The following SLC12A7 variants were observed in gnomAD, a reference collection of about 807,000 sequenced individuals.
SLC12A7 encodes the protein K-Cl cotransporter 4.
Under a neutral mutation model 120.6 loss-of-function variants are expected in SLC12A7, and 100 were observed. The ratio of observed to expected loss-of-function variants is 0.83; its 90% confidence interval spans 0.71 to 0.98. The LOEUF (loss-of-function observed/expected upper bound fraction) is 0.98. Ranked by LOEUF, SLC12A7 falls within the 50% of genes least tolerant of loss-of-function variation. SLC12A7 has a pLI of 0.00. For missense variants in SLC12A7, 1,373 were observed against 1,548.1 expected (o/e 0.89, Z 1.90); for synonymous variants, 760 against 678.0 (o/e 1.12, Z -1.88).
At chr5:1,140,608 C>T in the SLC12A7 span, among the ~76,000 whole-genome samples, 3 of 152,204 alleles carry the variant, frequency 2.0e-5, no homozygotes, top group Non-Finnish European at 4.4e-5. Context: ...CCCAGCAATC[C>T]CGGAGTTCCC....
At chr5:1,154,037 C>A in the SLC12A7 span, among the ~76,000 whole-genome samples, 2 of 152,202 alleles carry the variant, frequency 1.3e-5, no homozygotes, top group East Asian at 3.9e-4. Context: ...CATCTCCACA[C>A]GCATGTGTTC....
At chr5:1,122,260 G>A in the SLC12A7 span, among the ~76,000 whole-genome samples, 5,661 of 152,166 alleles carry the variant, frequency 0.037, 292 homozygotes, top group East Asian at 0.17. Context: ...CAGAACCCCC[G>A]GCAGGGCTGT....
chr5:1,113,652 T>A (rs1449399310), upstream of SLC12A7, among the ~76,000 whole-genome samples: 1 of 152,148 alleles, frequency 6.6e-6, no homozygotes, highest in African/African-American at 2.4e-5. Context: ...GCTGCCTCCC[T>A]GGGTCAGTGG....
chr5:1,081,376 A>G (rs887727567), intron 9 of SLC12A7, among the ~76,000 whole-genome samples: 25 of 152,042 alleles, frequency 1.6e-4, no homozygotes, highest in African/African-American at 6.0e-4. Context: ...TACAGATATT[A>G]GCCGGGCGTG....
the SLC12A7 span, among the ~76,000 whole-genome samples, chr5:1,152,590 T>A: frequency 0.44 from 63,008 of 142,672 alleles, 14,853 homozygotes; most frequent in African/African-American, 0.54. Context: ...GAGAAGGGAG[T>A]CCCCCAAGCT....
the SLC12A7 span, among the ~76,000 whole-genome samples, chr5:1,141,652 T>A: frequency 1.3e-5 from 2 of 152,236 alleles, no homozygotes; most frequent in East Asian, 1.9e-4. Context: ...TAAGTTAAAA[T>A]TTTTTTTAAA....
chr5:1,135,899 TC>T, the SLC12A7 span, among the ~76,000 whole-genome samples: 1 of 152,064 alleles, frequency 6.6e-6, no homozygotes, highest in Non-Finnish European at 1.5e-5. Context: ...CAAAACGCAC[TC>T]CCCGTTTCCC....
At chr5:1,134,405 G>A in the SLC12A7 span, among the ~76,000 whole-genome samples, 5 of 152,054 alleles carry the variant, frequency 3.3e-5, no homozygotes, top group African/African-American at 1.2e-4. Flanking sequence ...GGGAGGCAGA[G>A]GTTATAGTGA....
intron 22 of SLC12A7, among the ~76,000 whole-genome samples, chr5:1,055,514 C>T (rs1317700295): frequency 3.3e-5 from 5 of 152,210 alleles, no homozygotes; most frequent in Non-Finnish European, 5.9e-5. Context: ...AGCCCAACCC[C>T]GAGAAACTGC....
At chr5:1,112,871 T>A (rs1280929758), upstream of SLC12A7, among the ~76,000 whole-genome samples, 2 of 111,998 alleles carry the variant, frequency 1.8e-5, no homozygotes, top group African/African-American at 4.1e-5. Flanking sequence ...GTAGAGGGAG[T>A]CCCCCCCCCC....
chr5:1,097,378 C>T (rs1488653168), intron 1 of SLC12A7, among the ~76,000 whole-genome samples: 1 of 152,204 alleles, frequency 6.6e-6, no homozygotes, highest in African/African-American at 2.4e-5. Flanking sequence ...CAACGCCTAT[C>T]AGGCCCCAAG....
chr5:1,118,293 T>G, the SLC12A7 span, among the ~76,000 whole-genome samples: 1 of 152,192 alleles, frequency 6.6e-6, no homozygotes, highest in Non-Finnish European at 1.5e-5. Flanking sequence ...ATCCATCAGC[T>G]CTGTCTGGGC....
intron 20 of SLC12A7, 90 bp from the exon 21 acceptor site, chr5:1,060,541 C>T: frequency 1.0e-6 from 1 of 955,050 alleles, no homozygotes; most frequent in South Asian, 1.4e-5. Context: ...ACCGAGCCGC[C>T]CTGAGCGGTG....
chr5:1,063,589 C>T (rs1486951027), intron 20 of SLC12A7, among the ~76,000 whole-genome samples: 4 of 152,082 alleles, frequency 2.6e-5, no homozygotes, highest in South Asian at 2.1e-4. Flanking sequence ...TGGCAGCCCC[C>T]GCCACAATCG....
upstream of SLC12A7, among the ~76,000 whole-genome samples, chr5:1,112,539 C>T (rs1175628439): frequency 3.0e-5 from 1 of 33,302 alleles, no homozygotes; most frequent in Non-Finnish European, 5.9e-5. Flanking sequence ...CCTGCCCTTT[C>T]TGCACCCCCT....
At chr5:1,089,482 G>C (rs1397450125) in intron 3 of SLC12A7, among the ~76,000 whole-genome samples, 1 of 151,968 alleles carries the variant, frequency 6.6e-6, no homozygotes, top group African/African-American at 2.4e-5. Context: ...ATGGCTCAGG[G>C]CCTGAGATCT....
the SLC12A7 span, among the ~76,000 whole-genome samples, chr5:1,131,836 G>A: frequency 6.6e-6 from 1 of 152,218 alleles, no homozygotes; most frequent in South Asian, 2.1e-4. Context: ...GGGAGGTAGG[G>A]CAATGCCTGC....
chr5:1,061,614 G>A (rs1199945445), intron 20 of SLC12A7, among the ~76,000 whole-genome samples: 1 of 151,804 alleles, frequency 6.6e-6, no homozygotes, highest in Non-Finnish European at 1.5e-5. Context: ...CCCGGCTCAT[G>A]GGAGTTGGGA....
chr5:1,078,016 A>G lies in SLC12A7; in HGVS notation c.1455-9T>C, dbSNP rs1259000902. On this transcript the variant is annotated splice_polypyrimidine_tract_variant and intron_variant, in intron 11 of 23. Transcript: ENST00000264930. ...GCAGGGCCTCCCCGAACCTGCAGGC[A>G]GGCGGGCAGGCGGGCGGGCGGCTTT... The G allele has an allele frequency of 1.3e-6, 2 of 1,545,502 alleles. No individual in the cohort carries two copies. Among genetic ancestry groups the G allele is most frequent in the Non-Finnish European group, 1.7e-6 (2 of 1,146,536 alleles).
Sources: allele counts gnomAD v4.1 joint callset (sites outside exome capture counted in the v4.1 genomes callset), GRCh38; gene constraint gnomAD v4.1.1; transcripts MANE v1.5; gene names NCBI Gene and HGNC (gene_info 2026-07-23, HGNC 2026-07-21).